EYA2: variants seen among roughly 807,000 people sequenced by gnomAD.
EYA2 encodes protein phosphatase EYA2.
EYA2 carries 31 observed loss-of-function variants against 69.2 expected under a neutral mutation model. That is an observed-to-expected ratio of 0.45 (90% CI 0.34 to 0.60). The LOEUF (loss-of-function observed/expected upper bound fraction) is 0.60, where lower values mean the gene tolerates loss of function less well. EYA2 is among the 20% of genes least tolerant of loss of function. EYA2 has a pLI of 0.02. For synonymous variants in EYA2, 257 were observed against 279.4 expected (o/e 0.92, Z 0.80); for missense variants, 622 against 701.2 (o/e 0.89, Z 1.28).
At chr20:47,024,082 T>C (rs1423044575) in intron 5 of EYA2, among the ~76,000 whole-genome samples, 1 of 152,274 alleles carries the variant, frequency 6.6e-6, no homozygotes, top group Non-Finnish European at 1.5e-5. Flanking sequence ...TTCATTTTCA[T>C]TGATTTTTCT....
At chr20:47,140,876 G>A (rs535227654) in intron 9 of EYA2, among the ~76,000 whole-genome samples, 2 of 152,216 alleles carry the variant, frequency 1.3e-5, no homozygotes, top group Non-Finnish European at 2.9e-5. Flanking sequence ...TCCATTCATG[G>A]TGGAAAGTGG....
chr20:47,043,648 T>C (rs1010683642), intron 5 of EYA2, among the ~76,000 whole-genome samples: 1 of 152,228 alleles, frequency 6.6e-6, no homozygotes, highest in Non-Finnish European at 1.5e-5. Flanking sequence ...TTCCACAGTA[T>C]CTTTGTCTAT....
chr20:47,092,348 GTTC>G (rs528965821), intron 8 of EYA2, among the ~76,000 whole-genome samples: 62 of 152,212 alleles, frequency 4.1e-4, no homozygotes, highest in Middle Eastern at 3.4e-3. Context: ...TTTTTGCCTT[GTTC>G]TTAAAGCTCC....
intron 12 of EYA2, among the ~76,000 whole-genome samples, chr20:47,177,313 G>C (rs2034446426): frequency 6.6e-6 from 1 of 151,258 alleles, no homozygotes; most frequent in South Asian, 2.1e-4. Context: ...GGGCCTTCCT[G>C]TCTTGCCCAG....
intron 15 of EYA2, among the ~76,000 whole-genome samples, chr20:47,183,888 T>A (rs6124964): frequency 1.3e-5 from 2 of 151,926 alleles, no homozygotes; most frequent in Non-Finnish European, 1.5e-5. Context: ...GGTCTGGATC[T>A]GTCAACAGCG....
chr20:47,032,472 C>T (rs563569068), intron 5 of EYA2, among the ~76,000 whole-genome samples: 18 of 152,264 alleles, frequency 1.2e-4, no homozygotes, highest in East Asian at 1.9e-4. Context: ...TATGCATTTA[C>T]GAGCTTATTT....
chr20:46,989,503 G>C (rs759487161), intron 1 of EYA2, among the ~76,000 whole-genome samples: 2 of 152,124 alleles, frequency 1.3e-5, no homozygotes, highest in African/African-American at 2.4e-5. Flanking sequence ...TCTTGACCTC[G>C]TGATCCACCC....
intron 9 of EYA2, among the ~76,000 whole-genome samples, chr20:47,100,050 G>A (rs1600708763): frequency 6.6e-6 from 1 of 152,114 alleles, no homozygotes; most frequent in African/African-American, 2.4e-5. Flanking sequence ...TTTGTTCATA[G>A]CTTTATCACC....
chr20:47,097,444 G>A (rs1486097662), intron 9 of EYA2, among the ~76,000 whole-genome samples: 4 of 152,178 alleles, frequency 2.6e-5, no homozygotes, highest in African/African-American at 9.7e-5. Flanking sequence ...GTCTTCAGCC[G>A]TCTCCCTTCC....
intron 1 of EYA2, among the ~76,000 whole-genome samples, chr20:46,900,780 T>G (rs940916356): frequency 3.3e-5 from 5 of 152,230 alleles, no homozygotes; most frequent in African/African-American, 1.2e-4. Context: ...ACATTCCAAA[T>G]TTTTAGATTG....
At chr20:47,113,065 G>T (rs987257938) in intron 9 of EYA2, among the ~76,000 whole-genome samples, 3 of 151,484 alleles carry the variant, frequency 2.0e-5, no homozygotes, top group African/African-American at 7.3e-5. Context: ...AGAGGTGGGG[G>T]TTTCACCATG....
chr20:47,089,590 T>C (rs1360568096), intron 8 of EYA2, among the ~76,000 whole-genome samples: 1 of 152,232 alleles, frequency 6.6e-6, no homozygotes. Flanking sequence ...AGCATCAGAA[T>C]CACCTGGGGG....
chr20:47,004,289 C>T (rs1982555804), intron 3 of EYA2, among the ~76,000 whole-genome samples: 1 of 152,150 alleles, frequency 6.6e-6, no homozygotes, highest in Non-Finnish European at 1.5e-5. Flanking sequence ...TTTAAATTCC[C>T]AGGGCAGAGT....
chr20:47,059,159 G>T (rs1237253980), intron 5 of EYA2, among the ~76,000 whole-genome samples: 2 of 152,154 alleles, frequency 1.3e-5, no homozygotes, highest in Non-Finnish European at 2.9e-5. Context: ...AACACCCGAG[G>T]TGCAGGATGG....
At chr20:47,134,186 G>T (rs888099820) in intron 9 of EYA2, among the ~76,000 whole-genome samples, 3 of 152,176 alleles carry the variant, frequency 2.0e-5, no homozygotes, top group African/African-American at 7.2e-5. Flanking sequence ...TAGATGTCTG[G>T]TGCACTTGGA....
intron 1 of EYA2, among the ~76,000 whole-genome samples, chr20:46,978,846 G>C (rs1980630593): frequency 1.3e-5 from 2 of 152,198 alleles, no homozygotes; most frequent in African/African-American, 4.8e-5. Flanking sequence ...AGGAGAGGGA[G>C]AAGTAAGAGC....
At chr20:47,066,942 A>G (rs2031131576) in intron 5 of EYA2, among the ~76,000 whole-genome samples, 1 of 152,144 alleles carries the variant, frequency 6.6e-6, no homozygotes, top group Non-Finnish European at 1.5e-5. Context: ...TCCAGAGACC[A>G]CAACTTGTGG....
At chr20:46,916,859 C>G (rs1185301676) in intron 1 of EYA2, among the ~76,000 whole-genome samples, 1 of 152,070 alleles carries the variant, frequency 6.6e-6, no homozygotes, top group Non-Finnish European at 1.5e-5. Flanking sequence ...CTCTACTGTT[C>G]GAAGTGAGCT....
intron 2 of EYA2, among the ~76,000 whole-genome samples, chr20:46,999,967 C>T (rs187926100): frequency 6.6e-6 from 1 of 152,302 alleles, no homozygotes; most frequent in East Asian, 1.9e-4. Context: ...AAGTGAATGC[C>T]AGCTGCTCTT....
Sources: gnomAD v4.1 joint callset for allele counts (sites outside exome capture counted in the v4.1 genomes callset) on GRCh38, gnomAD v4.1.1 for gene constraint, MANE v1.5 for transcripts, NCBI Gene and HGNC (gene_info 2026-07-23, HGNC 2026-07-21) for gene names.